TMEM132C: variants seen among roughly 807,000 people sequenced by gnomAD.
The protein encoded by TMEM132C is transmembrane protein 132C, also known as protein phosphatase 1, regulatory subunit 152.
In TMEM132C, 29 loss-of-function variants were observed where a neutral mutation model predicts 61.4. That is an observed-to-expected ratio of 0.47 (90% CI 0.35 to 0.64). The LOEUF (loss-of-function observed/expected upper bound fraction) is 0.64. Ranked by LOEUF, TMEM132C falls within the 30% of genes least tolerant of loss-of-function variation. The pLI, the probability that TMEM132C is intolerant of heterozygous loss-of-function variation, is 0.00. For synonymous variants in TMEM132C, 656 were observed against 633.1 expected, an observed-to-expected ratio of 1.04 and a Z score of -0.54; for missense variants, 1,408 against 1,476.9, an observed-to-expected ratio of 0.95 and a Z score of 0.76.
intron 7 of TMEM132C, 106 bp downstream of exon 7, chr12:128,696,209 G>T: frequency 7.2e-7 from 1 of 1,394,604 alleles, no homozygotes; most frequent in Non-Finnish European, 9.6e-7. Flanking sequence ...CAACCCATGT[G>T]TATCATGGGA....
chr12:128,632,583 G>A (rs1253919732), intron 4 of TMEM132C, among the ~76,000 whole-genome samples: 2 of 152,320 alleles, frequency 1.3e-5, no homozygotes, highest in African/African-American at 4.8e-5. Context: ...AGGAACAGGA[G>A]TAATTTTTTT....
At position 128,325,407 on chromosome 12, in the gene TMEM132C, C is replaced by T. The variant is rs751834493; in HGVS notation, c.85+57920C>T. Among the ~76,000 whole-genome samples the T allele has an allele frequency of 2.7e-4, 41 of 152,012 alleles. 1 individual carries two copies. Among genetic ancestry groups the T allele is most frequent in the Non-Finnish European group, 5.7e-4 (39 of 68,016 alleles). ...TACCTTCCATAGGATCACCATTCGC[C>T]GTTTGCTGTGATCCTTCCAGAAAAC... On this transcript the variant is annotated intron_variant, in intron 1 of 8. Coordinates refer to ENST00000435159, the MANE Select transcript of TMEM132C (RefSeq NM_001136103.3).
At chr12:128,663,222 G>A (rs139592509) in intron 4 of TMEM132C, among the ~76,000 whole-genome samples, 20 of 152,302 alleles carry the variant, frequency 1.3e-4, no homozygotes, top group East Asian at 1.2e-3. Flanking sequence ...AAAAGGAGAC[G>A]TCGTACCCAT....
intron 1 of TMEM132C, among the ~76,000 whole-genome samples, chr12:128,375,619 G>A (rs551152152): frequency 1.3e-5 from 2 of 152,040 alleles, no homozygotes; most frequent in Admixed American, 6.5e-5. Context: ...ATTTCATCTC[G>A]TGTTCCTGAA....
chr12:128,656,543 G>A (rs975376340), intron 4 of TMEM132C, among the ~76,000 whole-genome samples: 5 of 152,212 alleles, frequency 3.3e-5, no homozygotes, highest in African/African-American at 9.7e-5. Flanking sequence ...GACTAGACCG[G>A]TTCTCAACCT....
intron 3 of TMEM132C, among the ~76,000 whole-genome samples, chr12:128,549,172 T>C (rs1874066310): frequency 6.6e-6 from 1 of 152,064 alleles, no homozygotes; most frequent in South Asian, 2.1e-4. Context: ...TGTCTGTCCA[T>C]GTGTGTTTGG....
chr12:128,273,606 G>T (rs1279709804), intron 1 of TMEM132C, among the ~76,000 whole-genome samples: 4 of 151,866 alleles, frequency 2.6e-5, no homozygotes, highest in Non-Finnish European at 4.4e-5. Context: ...TGTTCCATCT[G>T]CTCTTTATTC....
intron 3 of TMEM132C, among the ~76,000 whole-genome samples, chr12:128,612,401 T>C (rs1166961397): frequency 6.6e-6 from 1 of 151,730 alleles, no homozygotes; most frequent in Non-Finnish European, 1.5e-5. Flanking sequence ...GAAACTTGTA[T>C]TTTTTTTTCC....
intron 5 of TMEM132C, among the ~76,000 whole-genome samples, chr12:128,675,063 G>T (rs961508076): frequency 7.9e-5 from 12 of 152,192 alleles, no homozygotes; most frequent in African/African-American, 2.6e-4. Flanking sequence ...TTATGATTTT[G>T]CTTCCTCACT....
At chr12:128,439,612 TTC>T (rs1260949638) in intron 2 of TMEM132C, among the ~76,000 whole-genome samples, 4 of 152,194 alleles carry the variant, frequency 2.6e-5, no homozygotes, top group Non-Finnish European at 5.9e-5. Context: ...AGAAGAACCT[TTC>T]TTTTTTTCAG....
In TMEM132C at chr12:128,705,390, C is replaced by T; in HGVS notation, c.2422C>T (p.Pro808Ser). The change falls in exon 9 of 9, where the codon CCC becomes TCC. Residue 808 changes from proline (P) to serine (S), a missense_variant. Pro to Ser is a moderately conservative substitution (Grantham distance 74, BLOSUM62 -1). Coordinates refer to ENST00000435159, the MANE Select transcript of TMEM132C (RefSeq NM_001136103.3). ...KFGQNDADSSPGGDYEEDEIK... is the reference protein window; with the variant it reads ...KFGQNDADSSSGGDYEEDEIK... ...CGGACAGAACGATGCTGACTCCAGC[C>T]CCGGCGGGGACTATGAGGAAGATGA... is the stretch of plus-strand genomic sequence containing the variant. 3 of 1,551,222 alleles carry T rather than the reference C, an allele frequency of 1.9e-6. No individual in the cohort carries two copies. The highest frequency in any genetic ancestry group is 2.6e-6 in the Non-Finnish European group (3 of 1,146,988).
chr12:128,461,484 G>A (rs924647210), intron 2 of TMEM132C, among the ~76,000 whole-genome samples: 1 of 147,936 alleles, frequency 6.8e-6, no homozygotes, highest in African/African-American at 2.5e-5. Flanking sequence ...AAAGGGACTT[G>A]GCCTGAAGAC....
At chr12:128,501,810 G>A (rs976231563) in intron 2 of TMEM132C, among the ~76,000 whole-genome samples, 6 of 152,156 alleles carry the variant, frequency 3.9e-5, no homozygotes, top group South Asian at 2.1e-4. Flanking sequence ...GGCCCAAGTC[G>A]GTTACATGTG....
At chr12:128,432,943 A>C (rs1047389491) in intron 2 of TMEM132C, among the ~76,000 whole-genome samples, 1 of 152,044 alleles carries the variant, frequency 6.6e-6, no homozygotes, top group African/African-American at 2.4e-5. Context: ...GCCTTCAGCA[A>C]CCACCACCCT....
chr12:128,630,280 G>A lies in TMEM132C; in HGVS notation c.1305+13945G>A, dbSNP rs1954055537. Among the ~76,000 whole-genome samples the A allele has an allele frequency of 6.6e-6, 1 of 152,100 alleles. No homozygotes were observed. On this transcript the variant is annotated intron_variant, in intron 4 of 8. Transcript: ENST00000435159. This position sits in a 1 kb window ranked among gnomAD's most constrained non-coding sequence, Gnocchi z 4.3. ...GGTTGCCACACTGACGGCCCATGAGGGTCACTAGGGGGCAGGGGCTGGAGC... is the reference window on the plus strand; with the variant it reads ...GGTTGCCACACTGACGGCCCATGAGAGTCACTAGGGGGCAGGGGCTGGAGC...
At chr12:128,552,371 C>A (rs987885412) in intron 3 of TMEM132C, among the ~76,000 whole-genome samples, 2 of 152,214 alleles carry the variant, frequency 1.3e-5, no homozygotes, top group African/African-American at 2.4e-5. Flanking sequence ...TGGCACTTTA[C>A]AAAATGCTCT....
intron 3 of TMEM132C, among the ~76,000 whole-genome samples, chr12:128,615,572 A>G (rs894367820): frequency 9.9e-5 from 15 of 152,264 alleles, no homozygotes; most frequent in Non-Finnish European, 1.8e-4. Flanking sequence ...CGCAGTTCAC[A>G]ATACAGTTCA....
At chr12:128,662,147 T>C (rs559291482) in intron 4 of TMEM132C, among the ~76,000 whole-genome samples, 1 of 152,328 alleles carries the variant, frequency 6.6e-6, no homozygotes, top group East Asian at 1.9e-4. Flanking sequence ...TAAATGTGTT[T>C]GGATGTCTGC....
intron 1 of TMEM132C, among the ~76,000 whole-genome samples, chr12:128,373,631 C>T (rs1159837534): frequency 1.3e-5 from 2 of 152,168 alleles, no homozygotes; most frequent in Non-Finnish European, 2.9e-5. Context: ...AAGGTCAGCA[C>T]CAGGCACCAC....
Sources: allele counts gnomAD v4.1 joint callset (sites outside exome capture counted in the v4.1 genomes callset), GRCh38; gene constraint gnomAD v4.1.1; non-coding constraint Gnocchi (gnomAD v3.1); transcripts MANE v1.5; gene names NCBI Gene and HGNC (gene_info 2026-07-23, HGNC 2026-07-21).